The following ENOX1 variants were observed in gnomAD, a reference collection of about 807,000 sequenced individuals.
ENOX1 encodes the protein candidate growth-related and time keeping constitutive hydroquinone (NADH) oxidase.
Under a neutral mutation model 82.5 loss-of-function variants are expected in ENOX1, and 42 were observed. That is an observed-to-expected ratio of 0.51 (90% confidence interval 0.40 to 0.66). The LOEUF is 0.66. ENOX1 is among the 30% of genes least tolerant of loss of function. The pLI is 0.00. For missense variants in ENOX1, 608 were observed against 811.6 expected (o/e 0.75, Z 3.05); for synonymous variants, 271 against 282.2 (o/e 0.96, Z 0.40).
chr13:43,254,410 T>G (rs962158901), intron 14 of ENOX1, among the ~76,000 whole-genome samples: 1 of 152,218 alleles, frequency 6.6e-6, no homozygotes, highest in African/African-American at 2.4e-5. Context: ...TATGTGGTAA[T>G]ATCTAGCCAT....
At chr13:43,395,921 ACAGAACTGTAAAT>A (rs140064042) in intron 5 of ENOX1, among the ~76,000 whole-genome samples, 2,849 of 152,338 alleles carry the variant, frequency 0.019, 46 homozygotes, top group South Asian at 0.035. Context: ...AAGTTTCTTT[ACAGAACTGTAAAT>A]TCAGAAATCA....
intron 14 of ENOX1, among the ~76,000 whole-genome samples, chr13:43,237,269 T>C (rs2042593566): frequency 2.0e-5 from 3 of 152,212 alleles, no homozygotes; most frequent in Non-Finnish European, 4.4e-5. Flanking sequence ...AATTCTTTTT[T>C]TTGAAAACTA....
At chr13:43,493,263 G>A (rs1419644793) in intron 2 of ENOX1, among the ~76,000 whole-genome samples, 2 of 152,146 alleles carry the variant, frequency 1.3e-5, no homozygotes, top group Non-Finnish European at 2.9e-5. Flanking sequence ...ATTTATTAGG[G>A]GAATTGGCTC....
intron 15 of ENOX1, among the ~76,000 whole-genome samples, chr13:43,228,767 G>A (rs893411642): frequency 2.0e-5 from 3 of 152,182 alleles, no homozygotes; most frequent in African/African-American, 7.2e-5. Context: ...GATAGGCAAG[G>A]GGCTGGTCCT....
At chr13:43,280,776 A>G (rs1400285298) in intron 12 of ENOX1, among the ~76,000 whole-genome samples, 1 of 152,248 alleles carries the variant, frequency 6.6e-6, no homozygotes, top group Non-Finnish European at 1.5e-5. Flanking sequence ...CATTTTTACA[A>G]CTAGGAGAAT....
intron 11 of ENOX1, among the ~76,000 whole-genome samples, chr13:43,312,365 T>C (rs2047253200): frequency 6.6e-6 from 1 of 152,104 alleles, no homozygotes; most frequent in African/African-American, 2.4e-5. Context: ...GTCTTGAAAT[T>C]AGATGGTGAG....
At chr13:43,631,238 T>G (rs2153750934) in intron 2 of ENOX1, among the ~76,000 whole-genome samples, 1 of 152,276 alleles carries the variant, frequency 6.6e-6, no homozygotes, top group South Asian at 2.1e-4. Context: ...CTGCTAGAAT[T>G]TGGATTACTG....
At chr13:43,380,181 C>A (rs939090991) in intron 5 of ENOX1, among the ~76,000 whole-genome samples, 1 of 149,834 alleles carries the variant, frequency 6.7e-6, no homozygotes, top group African/African-American at 2.5e-5. Flanking sequence ...TTCCTCTAGG[C>A]AGAGAAAAAT....
At chr13:43,702,354 A>G (rs142402855) in intron 1 of ENOX1, among the ~76,000 whole-genome samples, 3 of 152,342 alleles carry the variant, frequency 2.0e-5, no homozygotes, top group African/African-American at 7.2e-5. Context: ...AAAGATATCA[A>G]TGCTTTACTG....
At chr13:43,399,980 A>G (rs2053399502) in intron 5 of ENOX1, among the ~76,000 whole-genome samples, 1 of 151,072 alleles carries the variant, frequency 6.6e-6, no homozygotes, top group Non-Finnish European at 1.5e-5. Flanking sequence ...CTCCACTGCC[A>G]CTCTTGTAGG....
chr13:43,401,426 TAGA>T (rs1486538026), intron 5 of ENOX1, among the ~76,000 whole-genome samples: 2 of 152,332 alleles, frequency 1.3e-5, no homozygotes, highest in East Asian at 1.9e-4. Flanking sequence ...AGCCACTGTC[TAGA>T]AGGTTTCCAG....
intron 5 of ENOX1, among the ~76,000 whole-genome samples, chr13:43,383,445 GC>G (rs1321900263): frequency 6.6e-6 from 1 of 152,126 alleles, no homozygotes; most frequent in Non-Finnish European, 1.5e-5. Context: ...CATTCTGGGT[GC>G]TAAAATGAAT....
chr13:43,387,297 T>A (rs56931881), intron 5 of ENOX1, among the ~76,000 whole-genome samples: 2,298 of 152,226 alleles, frequency 0.015, 64 homozygotes, highest in African/African-American at 0.053. Context: ...GTTAAGATGG[T>A]CTGTCTGGAA....
intron 12 of ENOX1, among the ~76,000 whole-genome samples, chr13:43,277,368 G>A (rs1382555022): frequency 2.0e-5 from 3 of 152,178 alleles, no homozygotes; most frequent in African/African-American, 7.2e-5. Flanking sequence ...CCTAATGTCA[G>A]CTAGACCGCA....
intron 13 of ENOX1, 54 bp downstream of exon 13, chr13:43,269,416 A>G (rs1297487515): frequency 7.6e-7 from 1 of 1,309,398 alleles, no homozygotes; most frequent in Non-Finnish European, 1.1e-6. Flanking sequence ...CAAGGGAGGT[A>G]TGCAATGGGG....
At chr13:43,552,346 TAAA>T (rs11398493) in intron 2 of ENOX1, among the ~76,000 whole-genome samples, 10 of 117,592 alleles carry the variant, frequency 8.5e-5, no homozygotes, top group Admixed American at 8.3e-5. Context: ...GGCTCTTAAC[TAAA>T]AAAAAAAAAA....
At chr13:43,636,800 A>C (rs1211985853) in intron 2 of ENOX1, among the ~76,000 whole-genome samples, 1 of 152,156 alleles carries the variant, frequency 6.6e-6, no homozygotes, top group Non-Finnish European at 1.5e-5. Context: ...CACAGCAATC[A>C]ATCACTAGCA....
intron 1 of ENOX1, among the ~76,000 whole-genome samples, chr13:43,695,857 C>T (rs115227853): frequency 6.6e-6 from 1 of 152,092 alleles, no homozygotes; most frequent in Non-Finnish European, 1.5e-5. Flanking sequence ...TTAATATATT[C>T]ACAGAGTTCG....
At chr13:43,383,682 G>A (rs532475070) in intron 5 of ENOX1, among the ~76,000 whole-genome samples, 2 of 152,074 alleles carry the variant, frequency 1.3e-5, no homozygotes, top group South Asian at 4.2e-4. Context: ...TTGTTTATAG[G>A]GCTGCAATTA....
Sources: allele counts gnomAD v4.1 joint callset (sites outside exome capture counted in the v4.1 genomes callset), GRCh38; gene constraint gnomAD v4.1.1; transcripts MANE v1.5; gene names NCBI Gene and HGNC (gene_info 2026-07-23, HGNC 2026-07-21).